The following ZFYVE28 variants were observed in gnomAD, a reference collection of about 807,000 sequenced individuals.
ZFYVE28 encodes zinc finger FYVE-type containing 28.
Under a neutral mutation model 82.1 loss-of-function variants are expected in ZFYVE28, and 40 were observed. The observed-to-expected ratio is 0.49, with a 90% CI of 0.38 to 0.63. The LOEUF (loss-of-function observed/expected upper bound fraction) is 0.63. Ranked by LOEUF, ZFYVE28 falls within the 30% of genes least tolerant of loss-of-function variation. The probability of loss-of-function intolerance (pLI) is 0.00; values close to 1 mark genes in which losing one functional copy is unlikely to be tolerated. For missense variants in ZFYVE28, 1,321 were observed against 1,242.1 expected (o/e 1.06, Z -0.96); for synonymous variants, 612 against 546.1 (o/e 1.12, Z -1.68).
Position 2,339,521 on chromosome 4 carries a change from G to A in ZFYVE28, c.453C>T (p.Asn151=), listed in dbSNP as rs1396537617. 2.5e-6 allele frequency: 4 copies of A among 1,613,938 alleles called. No individual in the cohort carries two copies. The highest frequency in any genetic ancestry group is 1.1e-5 in the South Asian group (1 of 91,022). ...ALRDQALRDL[N]TYTEKMREAL... The stretch of plus-strand genomic sequence containing the variant: ...CTTCCCTCATCTTCTCTGTGTAGGT[G>A]TTCAGGTCCCGCAGCGCCTGGTCAC... The change falls in exon 4 of 13, where the codon AAC becomes AAT. Residue 151 remains asparagine, a synonymous_variant. Transcript: ENST00000290974. This position sits in a 1 kb window ranked among gnomAD's most constrained non-coding sequence, Gnocchi z 5.0.
intron 12 of ZFYVE28, 113 bp from the exon 13 acceptor site, chr4:2,270,969 A>T: frequency 6.9e-7 from 1 of 1,458,778 alleles, no homozygotes; most frequent in Non-Finnish European, 9.2e-7. Flanking sequence ...GTGGGTGGGG[A>T]CTGCCCAGCC....
chr4:2,383,718 C>T (rs1409118150), intron 1 of ZFYVE28, among the ~76,000 whole-genome samples: 1 of 152,220 alleles, frequency 6.6e-6, no homozygotes, highest in Non-Finnish European at 1.5e-5. Flanking sequence ...AGGCCACACA[C>T]TGGAAGGAGG....
At chr4:2,354,184 C>T in intron 1 of ZFYVE28, 111 bp from the exon 2 acceptor site, 1 of 1,207,932 alleles carries the variant, frequency 8.3e-7, no homozygotes, top group Non-Finnish European at 1.1e-6. Flanking sequence ...ACCTTCCACC[C>T]TGAGCAGCAG....
At chr4:2,368,936 G>T (rs1193575421) in intron 1 of ZFYVE28, among the ~76,000 whole-genome samples, 1 of 152,180 alleles carries the variant, frequency 6.6e-6, no homozygotes, top group South Asian at 2.1e-4. Flanking sequence ...AGCAGCAGTT[G>T]GTGTGGCAGG....
At chr4:2,411,160 C>T (rs1195994650) in intron 1 of ZFYVE28, among the ~76,000 whole-genome samples, 1 of 151,832 alleles carries the variant, frequency 6.6e-6, no homozygotes, top group Non-Finnish European at 1.5e-5. Flanking sequence ...AAAACCCACC[C>T]GTGGCAGAGA....
chr4:2,404,322 A>C lies in ZFYVE28; in HGVS notation c.39+13963T>G, dbSNP rs1247767939. ...GAGACTCCGCCTCAAAAAAAAAAAA[A>C]AAAAAACGCTGAAGATGGAGCTACA... On this transcript the variant is annotated intron_variant, in intron 1 of 12. Transcript: ENST00000290974. Among the ~76,000 whole-genome samples, 16 of 42,144 alleles carry C rather than the reference A, an allele frequency of 3.8e-4. No homozygotes were observed. In the South Asian group the frequency reaches 6.6e-3, roughly 17 times the overall value. 27.6% of individuals were successfully genotyped at this position (42,144 alleles called of 152,430 possible). A position where few individuals can be genotyped will look rare whatever the true frequency, so the allele number is the denominator to read the frequency against.
chr4:2,389,707 C>T (rs1291942338), intron 1 of ZFYVE28, among the ~76,000 whole-genome samples: 1 of 152,200 alleles, frequency 6.6e-6, no homozygotes, highest in Admixed American at 6.5e-5. Flanking sequence ...TCAGACACAT[C>T]CATTCTGCAG....
intron 8 of ZFYVE28, among the ~76,000 whole-genome samples, chr4:2,301,979 G>A (rs899271117): frequency 1.3e-5 from 2 of 152,206 alleles, no homozygotes; most frequent in African/African-American, 2.4e-5. Flanking sequence ...CCAGCACTTG[G>A]GCCCGAGTGC....
Position 2,341,320 on chromosome 4 carries a change from A to G in ZFYVE28, c.318+158T>C. 2 of 998,782 alleles carry G rather than the reference A, an allele frequency of 2.0e-6. No homozygotes were observed. Among genetic ancestry groups the G allele is most frequent in the Non-Finnish European group, 2.9e-6 (2 of 679,534 alleles). The allele number at this position is 998,782 out of a possible 1,614,324, so 61.9% of individuals were successfully genotyped here. A position where few individuals can be genotyped will look rare whatever the true frequency, so the allele number is the denominator to read the frequency against. The stretch of plus-strand genomic sequence containing the variant: ...CAGATCCTCCAGGGGTGCACGGCCT[A>G]CCAGGCTCAGACCACACCACGTAAC... On this transcript the variant is annotated intron_variant, in intron 3 of 12. Transcript: ENST00000290974. The surrounding 1 kb of genome is among the most constrained non-coding windows in gnomAD (Gnocchi z 4.5).
intron 2 of ZFYVE28, among the ~76,000 whole-genome samples, chr4:2,346,266 C>T (rs1434171766): frequency 1.3e-5 from 2 of 149,540 alleles, no homozygotes; most frequent in African/African-American, 2.5e-5. Context: ...GCTGTGAACC[C>T]GGGAGGCAGA....
intron 1 of ZFYVE28, among the ~76,000 whole-genome samples, chr4:2,380,030 A>T (rs4444901): frequency 0.63 from 95,701 of 151,982 alleles, 30,311 homozygotes; most frequent in Admixed American, 0.67. Flanking sequence ...TCTGTGAGGC[A>T]CTGAGTGTTA....
At chr4:2,369,780 G>A (rs1312189340) in intron 1 of ZFYVE28, among the ~76,000 whole-genome samples, 1 of 150,992 alleles carries the variant, frequency 6.6e-6, no homozygotes. Flanking sequence ...AGAAACCAGT[G>A]CTGCCCACAC....
rs73791704 is a variant in ZFYVE28, at chr4:2,377,448, C to T, written c.40-23375G>A. Among the ~76,000 whole-genome samples, 849 of 152,290 alleles carry T rather than the reference C, an allele frequency of 5.6e-3. 9 individuals carry two copies. Among genetic ancestry groups the T allele is most frequent in the African/African-American group, 0.019 (804 of 41,544 alleles). ...TTCTTTTATCCCATCATCTTTCCTC[C>T]GAGTTCCCTTTTCTTGCTGATGTAC... On this transcript the variant is annotated intron_variant, in intron 1 of 12. Coordinates refer to ENST00000290974, the MANE Select transcript of ZFYVE28 (RefSeq NM_020972.3).
In ZFYVE28 at chr4:2,300,397, C is replaced by T. The variant is rs1217163601; in HGVS notation, c.2051+3892G>A. ...AGGATTCATTGACCACTGAGAAGGT[C>T]GGAAAGAAGCCAGTAAAATGAAAAG... On this transcript the variant is annotated intron_variant, in intron 8 of 12. Transcript: ENST00000290974. This position sits in a 1 kb window ranked among gnomAD's most constrained non-coding sequence, Gnocchi z 4.6. Among the ~76,000 whole-genome samples the T allele has an allele frequency of 2.0e-5, 3 of 152,102 alleles. No individual in the cohort carries two copies. Among genetic ancestry groups the T allele is most frequent in the Admixed American group, 1.3e-4 (2 of 15,278 alleles).
At chr4:2,323,833 G>A (rs1015622916) in intron 6 of ZFYVE28, among the ~76,000 whole-genome samples, 1 of 151,114 alleles carries the variant, frequency 6.6e-6, no homozygotes, top group African/African-American at 2.4e-5. Flanking sequence ...TGAGAATGAT[G>A]GTTTCCAATT....
chr4:2,283,448 C>T (rs1264429653), intron 8 of ZFYVE28, among the ~76,000 whole-genome samples: 4 of 148,778 alleles, frequency 2.7e-5, no homozygotes, highest in Non-Finnish European at 6.0e-5. Context: ...CTCATCCATC[C>T]ACCCATCCAC....
Position 2,409,586 on chromosome 4 carries a change from C to T in ZFYVE28, c.39+8699G>A, listed in dbSNP as rs796283665. ...CTCCGCTGGCTGCTCGCTGTCCCTC[C>T]GATCCCTGGCTCAGGCAAGGCCCAC... On this transcript the variant is annotated intron_variant, in intron 1 of 12. Coordinates refer to ENST00000290974, the MANE Select transcript of ZFYVE28 (RefSeq NM_020972.3). This position sits in a 1 kb window ranked among gnomAD's most constrained non-coding sequence, Gnocchi z 4.4. Among the ~76,000 whole-genome samples, 7 of 152,364 alleles carry T rather than the reference C, an allele frequency of 4.6e-5. No individual in the cohort carries two copies. Among genetic ancestry groups the T allele is most frequent in the South Asian group, 2.1e-4 (1 of 4,826 alleles).
At chr4:2,369,435 G>A (rs112826751) in intron 1 of ZFYVE28, among the ~76,000 whole-genome samples, 89 of 152,316 alleles carry the variant, frequency 5.8e-4, no homozygotes, top group African/African-American at 1.9e-3. Flanking sequence ...GCCTACTCTG[G>A]GACCTCAGAC....
At chr4:2,325,592 C>CTTTTTTTTTTTT (rs58460729) in intron 6 of ZFYVE28, among the ~76,000 whole-genome samples, 2 of 122,228 alleles carry the variant, frequency 1.6e-5, no homozygotes, top group Non-Finnish European at 3.3e-5. Context: ...TTAAATCTTA[C>CTTTTTTTTTTTT]TTTTTTTTTT....
Sources: allele counts gnomAD v4.1 joint callset (sites outside exome capture counted in the v4.1 genomes callset), GRCh38; gene constraint gnomAD v4.1.1; non-coding constraint Gnocchi (gnomAD v3.1); transcripts MANE v1.5; gene names NCBI Gene and HGNC (gene_info 2026-07-23, HGNC 2026-07-21).